The following VEGFC variants were observed in gnomAD, a reference collection of about 807,000 sequenced individuals.
VEGFC encodes the protein FLT4 ligand DHM.
In VEGFC, 12 loss-of-function variants were observed where a neutral mutation model predicts 46.1. The observed-to-expected ratio is 0.26, with a 90% CI of 0.17 to 0.42. VEGFC has a LOEUF of 0.42. VEGFC is among the 10% of genes least tolerant of loss of function. The pLI, the probability that VEGFC is intolerant of heterozygous loss-of-function variation, is 1.00. For missense variants in VEGFC, 488 were observed against 529.4 expected, an observed-to-expected ratio of 0.92 and a Z score of 0.77; for synonymous variants, 232 against 195.5, an observed-to-expected ratio of 1.19 and a Z score of -1.56.
At chr4:176,685,142 A>C (rs1474504131) in intron 6 of VEGFC, among the ~76,000 whole-genome samples, 1 of 152,208 alleles carries the variant, frequency 6.6e-6, no homozygotes, top group Non-Finnish European at 1.5e-5. Flanking sequence ...AGTGTGCTAT[A>C]AAAAACCCTA....
intron 6 of VEGFC, among the ~76,000 whole-genome samples, 169 bp downstream of exon 6, chr4:176,687,018 C>A (rs1413790427): frequency 1.3e-5 from 2 of 152,104 alleles, no homozygotes; most frequent in South Asian, 4.1e-4. Context: ...GGAAGCAAAT[C>A]CAGTCTCATG....
In VEGFC at chr4:176,792,330, G is replaced by C. The variant is rs540740609; in HGVS notation, c.-19C>G. On this transcript the variant is annotated 5_prime_UTR_variant, in exon 1 of 7. Transcript: ENST00000618562. This position sits in a 1 kb window ranked among gnomAD's most constrained non-coding sequence, Gnocchi z 6.3. ...AGTGCATGGTGGAAGGACCGGGGGT[G>C]GGGGACCGGTCCGCTGGCGGGGGCA... 5.4e-6 allele frequency: 8 copies of C among 1,472,634 alleles called. No homozygotes were observed. The highest frequency in any genetic ancestry group is 6.3e-6 in the Non-Finnish European group (7 of 1,114,594). The allele number at this position is 1,472,634 out of a possible 1,614,324, so 91.2% of individuals were successfully genotyped here.
At chr4:176,770,014 T>C (rs987210954) in intron 1 of VEGFC, among the ~76,000 whole-genome samples, 2 of 152,170 alleles carry the variant, frequency 1.3e-5, no homozygotes, top group African/African-American at 2.4e-5. Context: ...CAATAAGACA[T>C]ATTCCTATAA....
intron 4 of VEGFC, among the ~76,000 whole-genome samples, 154 bp downstream of exon 4, chr4:176,711,345 T>A (rs1734615778): frequency 1.3e-5 from 2 of 152,218 alleles, no homozygotes; most frequent in African/African-American, 2.4e-5. Context: ...TTTATTTTCA[T>A]TGTATACTAT....
chr4:176,718,181 G>T (rs1029834443), intron 3 of VEGFC, among the ~76,000 whole-genome samples: 1 of 152,082 alleles, frequency 6.6e-6, no homozygotes, highest in Non-Finnish European at 1.5e-5. Flanking sequence ...ACTGGTACTG[G>T]CATAGAGTTC....
chr4:176,742,337 T>G (rs1285607644), intron 1 of VEGFC, among the ~76,000 whole-genome samples: 2 of 151,978 alleles, frequency 1.3e-5, no homozygotes, highest in African/African-American at 4.8e-5. Context: ...CCCCCGCTGA[T>G]AGGAACTTAG....
intron 1 of VEGFC, among the ~76,000 whole-genome samples, chr4:176,758,117 C>G (rs907709703): frequency 6.6e-6 from 1 of 151,440 alleles, no homozygotes; most frequent in Non-Finnish European, 1.5e-5. Context: ...TATTTTTAAC[C>G]CTTAGGAGAG....
intron 1 of VEGFC, among the ~76,000 whole-genome samples, chr4:176,769,803 C>T (rs145119888): frequency 2.6e-5 from 4 of 152,254 alleles, no homozygotes; most frequent in African/African-American, 9.6e-5. Context: ...TAAGGTCATA[C>T]AGCTCCTGAG....
At chr4:176,717,413 C>A (rs1734716475) in intron 3 of VEGFC, among the ~76,000 whole-genome samples, 1 of 152,102 alleles carries the variant, frequency 6.6e-6, no homozygotes, top group Non-Finnish European at 1.5e-5. Flanking sequence ...ATAGTCAATT[C>A]TCACCAACAA....
intron 3 of VEGFC, among the ~76,000 whole-genome samples, chr4:176,722,774 AC>A (rs1193524941): frequency 7.2e-5 from 11 of 152,130 alleles, no homozygotes; most frequent in Non-Finnish European, 7.4e-5. Context: ...TGCTGGGATT[AC>A]AGGTGTAAGC....
Position 176,788,834 on chromosome 4 carries a change from G to GA in VEGFC, c.147+3330dup, listed in dbSNP as rs762899095. ...AAAACTTTTTTTAAAAGAAAAAAAGGAAAAAAACATCTATTCTTTTTCCTG... is the reference window on the plus strand; with the variant it reads ...AAAACTTTTTTTAAAAGAAAAAAAGGAAAAAAAACATCTATTCTTTTTCCTG... On this transcript the variant is annotated intron_variant, in intron 1 of 6. Coordinates refer to ENST00000618562, the MANE Select transcript of VEGFC (RefSeq NM_005429.5). 2.0e-4 allele frequency among the ~76,000 whole-genome samples: 30 copies of GA among 151,964 alleles called. No individual in the cohort carries two copies. In the East Asian group the frequency reaches 2.1e-3, roughly 11 times the overall value.
intron 3 of VEGFC, among the ~76,000 whole-genome samples, chr4:176,720,622 T>C (rs1288883597): frequency 6.6e-6 from 1 of 152,004 alleles, no homozygotes; most frequent in African/African-American, 2.4e-5. Flanking sequence ...GAGGATCACC[T>C]GAGGTCAGGA....
intron 4 of VEGFC, among the ~76,000 whole-genome samples, chr4:176,700,654 C>T (rs1734413910): frequency 6.6e-6 from 1 of 151,994 alleles, no homozygotes; most frequent in South Asian, 2.1e-4. Flanking sequence ...ATTTTCTGCT[C>T]TACTATTTTT....
At chr4:176,720,141 C>CA in intron 3 of VEGFC, among the ~76,000 whole-genome samples, 1 of 151,998 alleles carries the variant, frequency 6.6e-6, no homozygotes, top group Non-Finnish European at 1.5e-5. Flanking sequence ...AATACAAAAT[C>CA]AAAGAGGGAA....
intron 4 of VEGFC, among the ~76,000 whole-genome samples, chr4:176,698,661 C>T (rs1287624198): frequency 6.6e-6 from 1 of 152,020 alleles, no homozygotes; most frequent in Non-Finnish European, 1.5e-5. Flanking sequence ...CGTTAGGTCT[C>T]CAGAGCATAT....
chr4:176,771,421 A>T (rs1735720530), intron 1 of VEGFC, among the ~76,000 whole-genome samples: 1 of 152,230 alleles, frequency 6.6e-6, no homozygotes. Context: ...TACCAAAAAA[A>T]ATTGTTTAAC....
chr4:176,702,570 AG>A (rs1400474068), intron 4 of VEGFC, among the ~76,000 whole-genome samples: 1 of 152,146 alleles, frequency 6.6e-6, no homozygotes, highest in African/African-American at 2.4e-5. Flanking sequence ...TTAGAATCAC[AG>A]TATTGTGTTT....
chr4:176,704,841 A>G (rs1734498579), intron 4 of VEGFC, among the ~76,000 whole-genome samples: 1 of 152,058 alleles, frequency 6.6e-6, no homozygotes, highest in Non-Finnish European at 1.5e-5. Context: ...TCCCCTCTCT[A>G]CTGTAGCCAT....
intron 1 of VEGFC, among the ~76,000 whole-genome samples, chr4:176,772,998 T>C (rs1432443817): frequency 6.6e-6 from 1 of 152,230 alleles, no homozygotes; most frequent in Admixed American, 6.5e-5. Context: ...AATTTCAATA[T>C]TGTTAGAAAG....
Sources: allele counts gnomAD v4.1 joint callset (sites outside exome capture counted in the v4.1 genomes callset), GRCh38; gene constraint gnomAD v4.1.1; non-coding constraint Gnocchi (gnomAD v3.1); transcripts MANE v1.5; gene names NCBI Gene and HGNC (gene_info 2026-07-23, HGNC 2026-07-21).